Variants in PTPRJ observed in about 807,000 individuals in gnomAD.
PTPRJ encodes receptor-type tyrosine-protein phosphatase eta.
Under a neutral mutation model 141.3 loss-of-function variants are expected in PTPRJ, and 129 were observed. The observed-to-expected ratio is 0.91, with a 90% CI of 0.79 to 1.06. The LOEUF (loss-of-function observed/expected upper bound fraction) is 1.06, where lower values mean the gene tolerates loss of function less well. PTPRJ is among the 50% of genes least tolerant of loss of function. The pLI is 0.00. For missense variants in PTPRJ, 1,601 were observed against 1,679.7 expected (o/e 0.95, Z 0.82); for synonymous variants, 610 against 640.5 (o/e 0.95, Z 0.72).
intron 1 of PTPRJ, among the ~76,000 whole-genome samples, chr11:48,026,378 C>T (rs952714793): frequency 9.9e-5 from 15 of 152,136 alleles, no homozygotes; most frequent in African/African-American, 3.4e-4. Flanking sequence ...TCTCTTTCAG[C>T]CCAAGGCAAT....
intron 1 of PTPRJ, among the ~76,000 whole-genome samples, chr11:48,061,710 C>T (rs1854929475): frequency 6.6e-6 from 1 of 152,096 alleles, no homozygotes; most frequent in Non-Finnish European, 1.5e-5. Context: ...TGAGAGGCTG[C>T]AAGTGTCCTG....
chr11:48,069,673 G>C (rs983063791), intron 1 of PTPRJ, among the ~76,000 whole-genome samples: 17 of 151,674 alleles, frequency 1.1e-4, no homozygotes, highest in Admixed American at 3.9e-4. Flanking sequence ...GGATGGTCTT[G>C]ATCTCCTGAC....
intron 1 of PTPRJ, among the ~76,000 whole-genome samples, chr11:48,096,270 G>A (rs1856003026): frequency 2.0e-5 from 3 of 152,206 alleles, no homozygotes; most frequent in South Asian, 4.1e-4. Context: ...TCTGCCAGGC[G>A]CTGGGGGTGG....
intron 1 of PTPRJ, among the ~76,000 whole-genome samples, chr11:48,010,873 T>G (rs746143093): frequency 1.5e-4 from 23 of 151,604 alleles, no homozygotes; most frequent in Admixed American, 3.3e-4. Context: ...GGAGATAGGG[T>G]TTTTCTGTGT....
In PTPRJ at chr11:48,133,346, C is replaced by A. The variant is rs528326862; in HGVS notation, c.1615+2630C>A. Among the ~76,000 whole-genome samples, 3 of 152,212 alleles carry A rather than the reference C, an allele frequency of 2.0e-5. No homozygotes were observed. The South Asian group carries it at 6.2e-4, about 32-fold the overall frequency. On this transcript the variant is annotated intron_variant, in intron 8 of 24. Coordinates refer to ENST00000418331, the MANE Select transcript of PTPRJ (RefSeq NM_002843.4). ...TTTACTATAGTTTATTGTGAATATT[C>A]TTTCCTCTTAATATCAGTATTTCTA...
Position 48,127,829 on chromosome 11 carries a change from C to T in PTPRJ, c.1143C>T (p.Ser381=), listed in dbSNP as rs1856880392. Residue 381 remains serine (S), a synonymous_variant, in exon 7 of 25, where the codon AGC becomes AGT. Coordinates refer to ENST00000418331, the MANE Select transcript of PTPRJ (RefSeq NM_002843.4). ...DVTAVNISAT[S]LTLIWKVSDN... ...CCGCTGTGAACATCAGTGCCACAAG[C>T]CTGACCCTGATCTGGAAAGTCAGCG... The T allele has an allele frequency of 6.2e-7, 1 of 1,614,178 alleles. No individual in the cohort carries two copies. The highest frequency in any genetic ancestry group is 1.1e-5 in the South Asian group (1 of 91,086).
intron 10 of PTPRJ, 97 bp from the exon 11 acceptor site, chr11:48,139,389 C>A: frequency 7.5e-7 from 1 of 1,336,196 alleles, no homozygotes. Context: ...ACATCACCCA[C>A]CCACCTTCTC....
chr11:47,983,468 T>A (rs942636237), intron 1 of PTPRJ, among the ~76,000 whole-genome samples: 6 of 152,236 alleles, frequency 3.9e-5, no homozygotes, highest in Admixed American at 2.6e-4. Flanking sequence ...GACACAGCTC[T>A]GTTTGGACAT....
chr11:48,092,604 A>T (rs1256504368), intron 1 of PTPRJ, among the ~76,000 whole-genome samples: 1 of 151,894 alleles, frequency 6.6e-6, no homozygotes, highest in Non-Finnish European at 1.5e-5. Context: ...TAATTTTTGT[A>T]TTTTTAGTAG....
intron 1 of PTPRJ, among the ~76,000 whole-genome samples, chr11:48,063,637 G>A (rs11601310): frequency 0.37 from 55,783 of 152,124 alleles, 16,271 homozygotes; most frequent in African/African-American, 0.82. Context: ...CACATTTTTA[G>A]GCTACTTTTG....
chr11:48,012,855 A>G (rs1320004144), intron 1 of PTPRJ, among the ~76,000 whole-genome samples: 1 of 152,198 alleles, frequency 6.6e-6, no homozygotes, highest in East Asian at 1.9e-4. Context: ...CTGTAATCCC[A>G]GCACTTTGGG....
At chr11:48,114,342 G>T (rs1856510400) in intron 3 of PTPRJ, among the ~76,000 whole-genome samples, 1 of 148,170 alleles carries the variant, frequency 6.7e-6, no homozygotes, top group African/African-American at 2.5e-5. Context: ...GGAGGCTGAG[G>T]CAGGAGAATT....
Position 48,139,461 on chromosome 11 carries a change from ATGCTGTGCTGTACT to A in PTPRJ, c.2153-20_2153-7del, listed in dbSNP as rs1486766399. 6.8e-6 allele frequency: 11 copies of A among 1,606,146 alleles called. No individual in the cohort carries two copies. In the South Asian group the frequency reaches 9.9e-5, roughly 14 times the overall value. On this transcript the variant is annotated splice_polypyrimidine_tract_variant and intron_variant, in intron 10 of 24. Transcript: ENST00000418331. ...GCAAAGGCAAAAGTCCCGGAATCTC[ATGCTGTGCTGTACT>A]TGCTTTGCAGATCCTGCGTCCATGG...
rs1187525549 is a variant in PTPRJ, at chr11:48,156,137, TTTTTAAA to T, written c.3438+19_3438+25del. The T allele has an allele frequency of 6.5e-7, 1 of 1,533,266 alleles. No individual in the cohort carries two copies. Among genetic ancestry groups the T allele is most frequent in the Non-Finnish European group, 8.9e-7 (1 of 1,118,666 alleles). The allele number at this position is 1,533,266 out of a possible 1,614,324, so 95.0% of individuals were successfully genotyped here. On this transcript the variant is annotated intron_variant, in intron 21 of 24. Coordinates refer to ENST00000418331, the MANE Select transcript of PTPRJ (RefSeq NM_002843.4). ...AGGGAAGAGTAAGTATCTTTTTTAGTTTTTAAAATTTAAAATTACATTAATTGCTTTT... is the reference window on the plus strand; with the variant it reads ...AGGGAAGAGTAAGTATCTTTTTTAGTATTTAAAATTACATTAATTGCTTTT...
chr11:47,998,531 T>G (rs1729291), intron 1 of PTPRJ, among the ~76,000 whole-genome samples: 9,998 of 152,260 alleles, frequency 0.066, 1,069 homozygotes, highest in African/African-American at 0.22. Flanking sequence ...TCCTGTAATC[T>G]CGCTTCTATT....
At chr11:48,140,910 G>C (rs1189870360) in intron 11 of PTPRJ, among the ~76,000 whole-genome samples, 3 of 152,186 alleles carry the variant, frequency 2.0e-5, no homozygotes, top group African/African-American at 7.2e-5. Flanking sequence ...ACATCTGAAT[G>C]CAAACTGGTC....
At position 47,996,546 on chromosome 11, in the gene PTPRJ, T is replaced by C. The variant is rs1854342142; in HGVS notation, c.96+15538T>C. Among the ~76,000 whole-genome samples the C allele has an allele frequency of 2.6e-5, 4 of 152,146 alleles. No individual in the cohort carries two copies. The South Asian group carries it at 8.3e-4, about 32-fold the overall frequency. Reference sequence around the variant, plus strand: ...CTGTAGCAACAACCAGGCCATTTTGTTACTAGGTTTAAGTGAGGGAAGGCA... The same window carrying C: ...CTGTAGCAACAACCAGGCCATTTTGCTACTAGGTTTAAGTGAGGGAAGGCA... On this transcript the variant is annotated intron_variant, in intron 1 of 24. Coordinates refer to ENST00000418331, the MANE Select transcript of PTPRJ (RefSeq NM_002843.4).
chr11:48,009,672 TGTG>T (rs1186454528), intron 1 of PTPRJ, among the ~76,000 whole-genome samples: 1 of 152,264 alleles, frequency 6.6e-6, no homozygotes, highest in Admixed American at 6.5e-5. Context: ...TGCACTATAA[TGTG>T]GTGCTTAAAA....
In PTPRJ at chr11:48,155,882, G is replaced by A; in HGVS notation, c.3303+8G>A. 6.2e-7 allele frequency: 1 copy of A among 1,600,240 alleles called. No individual in the cohort carries two copies. The highest frequency in any genetic ancestry group is 8.6e-7 in the Non-Finnish European group (1 of 1,167,586). ...AATGCCAACTACATGCCTGTAAGTT[G>A]GGGGACGGTCTCACAGCACTGGACT... On this transcript the variant is annotated splice_region_variant and intron_variant, in intron 20 of 24. Coordinates refer to ENST00000418331, the MANE Select transcript of PTPRJ (RefSeq NM_002843.4).
Sources: gnomAD v4.1 joint callset for allele counts (sites outside exome capture counted in the v4.1 genomes callset) on GRCh38, gnomAD v4.1.1 for gene constraint, MANE v1.5 for transcripts, NCBI Gene and HGNC (gene_info 2026-07-23, HGNC 2026-07-21) for gene names.